CALN1: variants seen among roughly 807,000 people sequenced by gnomAD.
The protein encoded by CALN1 is calneuron 1.
Under a neutral mutation model 30.6 loss-of-function variants are expected in CALN1, and 17 were observed. That is an observed-to-expected ratio of 0.56 (90% CI 0.38 to 0.83). The LOEUF is 0.83. Among genes scored for constraint, CALN1 ranks in the 40% least tolerant of loss-of-function variants. CALN1 has a pLI of 0.00. For synonymous variants in CALN1, 156 were observed against 131.4 expected, an observed-to-expected ratio of 1.19 and a Z score of -1.28; for missense variants, 291 against 354.9, an observed-to-expected ratio of 0.82 and a Z score of 1.45.
intron 3 of CALN1, among the ~76,000 whole-genome samples, chr7:72,238,512 G>C (rs1009162963): frequency 2.0e-5 from 3 of 152,036 alleles, no homozygotes; most frequent in Non-Finnish European, 4.4e-5. Context: ...GTCTGATATG[G>C]TTTGACTGTG....
At chr7:72,480,504 T>G in the CALN1 span, among the ~76,000 whole-genome samples, 1 of 152,178 alleles carries the variant, frequency 6.6e-6, no homozygotes, top group African/African-American at 2.4e-5. Flanking sequence ...GGTATTAGAG[T>G]AATGAGCTGG....
chr7:72,198,593 A>AC (rs1791202032), intron 3 of CALN1, among the ~76,000 whole-genome samples: 1 of 150,066 alleles, frequency 6.7e-6, no homozygotes, highest in South Asian at 2.1e-4. Context: ...ACCACCCCCC[A>AC]CCCTTTAAAA....
intron 5 of CALN1, among the ~76,000 whole-genome samples, chr7:71,829,269 G>A (rs369240306): frequency 6.6e-6 from 1 of 152,096 alleles, no homozygotes; most frequent in Non-Finnish European, 1.5e-5. Context: ...CACTAAAGAG[G>A]AAAAGGCCCT....
chr7:71,981,613 C>T (rs1798396934), intron 5 of CALN1, among the ~76,000 whole-genome samples: 1 of 151,880 alleles, frequency 6.6e-6, no homozygotes, highest in Non-Finnish European at 1.5e-5. Context: ...GCAGACATCA[C>T]ACCACTGCAC....
intron 3 of CALN1, among the ~76,000 whole-genome samples, chr7:72,153,171 T>C (rs1222798763): frequency 3.3e-5 from 5 of 152,200 alleles, no homozygotes; most frequent in African/African-American, 1.2e-4. Context: ...TTTAAGGATC[T>C]TCCTCTAACA....
At chr7:71,857,019 T>TGA (rs1790992783) in intron 5 of CALN1, among the ~76,000 whole-genome samples, 1 of 49,070 alleles carries the variant, frequency 2.0e-5, no homozygotes, top group African/African-American at 1.6e-4. Context: ...TATATGTATG[T>TGA]GTGTGTGTGT....
At chr7:72,353,170 A>C (rs938199550) in intron 2 of CALN1, among the ~76,000 whole-genome samples, 5 of 152,178 alleles carry the variant, frequency 3.3e-5, no homozygotes, top group Non-Finnish European at 7.4e-5. Flanking sequence ...TCTAACATTT[A>C]ATGAAGCGCT....
At chr7:72,320,766 C>G (rs1305658000) in intron 2 of CALN1, among the ~76,000 whole-genome samples, 4 of 134,850 alleles carry the variant, frequency 3.0e-5, no homozygotes, top group Admixed American at 8.7e-5. Flanking sequence ...GCCAGGGAGG[C>G]GGAGGTTGCA....
intron 3 of CALN1, among the ~76,000 whole-genome samples, chr7:72,170,927 C>A (rs145508122): frequency 6.6e-6 from 1 of 152,092 alleles, no homozygotes; most frequent in Non-Finnish European, 1.5e-5. Context: ...GAGGCCAAGG[C>A]GGGTGGATCA....
intron 3 of CALN1, among the ~76,000 whole-genome samples, chr7:72,137,109 G>C (rs1014992425): frequency 6.6e-6 from 1 of 152,178 alleles, no homozygotes; most frequent in Non-Finnish European, 1.5e-5. Context: ...TTTTGGAAAG[G>C]GGGGCTTGTC....
chr7:71,797,845 G>A (rs934604705), intron 6 of CALN1, among the ~76,000 whole-genome samples: 2 of 152,074 alleles, frequency 1.3e-5, no homozygotes, highest in African/African-American at 2.4e-5. Context: ...TTCCACCATC[G>A]CAAACCAGGT....
intron 4 of CALN1, among the ~76,000 whole-genome samples, chr7:72,083,024 A>G (rs1805250461): frequency 6.6e-6 from 1 of 152,018 alleles, no homozygotes; most frequent in Admixed American, 6.6e-5. Context: ...AACTTGGCGA[A>G]ACCCTGTCTC....
chr7:72,307,343 A>G (rs1222895484), intron 2 of CALN1, among the ~76,000 whole-genome samples: 2 of 152,220 alleles, frequency 1.3e-5, no homozygotes, highest in Non-Finnish European at 2.9e-5. Context: ...AGACTACAGC[A>G]CAGAGGACAA....
chr7:71,917,383 T>C (rs1363678160), intron 5 of CALN1, among the ~76,000 whole-genome samples: 1 of 152,206 alleles, frequency 6.6e-6, no homozygotes, highest in African/African-American at 2.4e-5. Flanking sequence ...ACCACTATTA[T>C]ATAATTGAAA....
chr7:72,434,792 AGCAG>A (rs1808095107), intron 1 of CALN1, among the ~76,000 whole-genome samples: 1 of 152,238 alleles, frequency 6.6e-6, no homozygotes, highest in Non-Finnish European at 1.5e-5. Context: ...AGAGCAGAAC[AGCAG>A]GAAAAACTTT....
At chr7:71,902,313 A>T (rs1333687227) in intron 5 of CALN1, among the ~76,000 whole-genome samples, 1 of 152,204 alleles carries the variant, frequency 6.6e-6, no homozygotes. Context: ...TATGGAAAAA[A>T]TGTTCAACAT....
chr7:71,881,429 T>C (rs567180593), intron 5 of CALN1, among the ~76,000 whole-genome samples: 2 of 152,352 alleles, frequency 1.3e-5, no homozygotes, highest in African/African-American at 4.8e-5. Flanking sequence ...GCAAGTTCTA[T>C]GGTCTTCACC....
intron 5 of CALN1, among the ~76,000 whole-genome samples, chr7:71,935,486 GC>G: frequency 6.6e-6 from 1 of 152,158 alleles, no homozygotes; most frequent in East Asian, 1.9e-4. Context: ...AGTTTGGGAG[GC>G]CGAGGCGGGC....
Position 72,397,712 on chromosome 7 carries a change from T to TCCCACACACACACA in CALN1, c.119+5538_119+5539insTGTGTGTGTGTGGG, listed in dbSNP as rs1248212217. Among the ~76,000 whole-genome samples, 12 of 70,290 alleles carry TCCCACACACACACA rather than the reference T, an allele frequency of 1.7e-4. No individual in the cohort carries two copies. The East Asian group carries it at 7.9e-3, about 46-fold the overall frequency. 46.1% of individuals were successfully genotyped at this position (70,290 alleles called of 152,430 possible). A position where few individuals can be genotyped will look rare whatever the true frequency, so the allele number is the denominator to read the frequency against. On this transcript the variant is annotated intron_variant, in intron 2 of 6. Coordinates refer to ENST00000395275, the MANE Select transcript of CALN1 (RefSeq NM_031468.4). ...GGGATCTTGGAGAGCACCCATTCTCTCTCACACACACACACACACACACAC... is the reference window on the plus strand; with the variant it reads ...GGGATCTTGGAGAGCACCCATTCTCTCCCACACACACACACTCACACACACACACACACACACAC...
Sources: allele counts gnomAD v4.1 joint callset (sites outside exome capture counted in the v4.1 genomes callset), GRCh38; gene constraint gnomAD v4.1.1; transcripts MANE v1.5; gene names NCBI Gene and HGNC (gene_info 2026-07-23, HGNC 2026-07-21).